The following CPNE8 variants were observed in gnomAD, a reference collection of about 807,000 sequenced individuals.
The protein encoded by CPNE8 is copine 8.
CPNE8 carries 45 observed loss-of-function variants against 81.5 expected under a neutral mutation model. That is an observed-to-expected ratio of 0.55 (90% CI 0.44 to 0.71). CPNE8 has a LOEUF of 0.71. Among genes scored for constraint, CPNE8 ranks in the 30% least tolerant of loss-of-function variants. CPNE8 has a pLI of 0.00. For synonymous variants in CPNE8, 252 were observed against 226.3 expected, an observed-to-expected ratio of 1.11 and a Z score of -1.02; for missense variants, 594 against 672.1, an observed-to-expected ratio of 0.88 and a Z score of 1.28.
intron 1 of CPNE8, among the ~76,000 whole-genome samples, chr12:38,885,294 AC>A (rs1400844557): frequency 6.6e-6 from 1 of 152,174 alleles, no homozygotes; most frequent in East Asian, 1.9e-4. Flanking sequence ...AAGTATAAGC[AC>A]CCCAAAAGAA....
intron 7 of CPNE8, among the ~76,000 whole-genome samples, chr12:38,767,953 C>T (rs997982712): frequency 7.2e-5 from 11 of 152,054 alleles, no homozygotes; most frequent in African/African-American, 2.7e-4. Context: ...AAAACTATTA[C>T]TTTTCAAAAA....
At chr12:38,765,866 T>A (rs1014518671) in intron 8 of CPNE8, among the ~76,000 whole-genome samples, 3 of 152,180 alleles carry the variant, frequency 2.0e-5, no homozygotes, top group East Asian at 3.9e-4. Flanking sequence ...TTTTTTTATT[T>A]TTTTTTTTTA....
At chr12:38,860,119 T>C (rs1943807234) in intron 3 of CPNE8, among the ~76,000 whole-genome samples, 1 of 151,920 alleles carries the variant, frequency 6.6e-6, no homozygotes, top group Admixed American at 6.5e-5. Flanking sequence ...AAAGGCAACC[T>C]ACAGAAGGAG....
chr12:38,869,383 T>C (rs1943958978), intron 3 of CPNE8, among the ~76,000 whole-genome samples: 1 of 152,188 alleles, frequency 6.6e-6, no homozygotes, highest in South Asian at 2.1e-4. Flanking sequence ...TATTTAATCC[T>C]CATAACAGCT....
chr12:38,797,230 G>C (rs528139643), intron 6 of CPNE8, among the ~76,000 whole-genome samples: 2 of 152,160 alleles, frequency 1.3e-5, no homozygotes, highest in South Asian at 2.1e-4. Context: ...ATCTGAGAAC[G>C]GGCAGACTGC....
At chr12:38,902,362 A>AAGAAAGAAAGAAAGAAAGAAAAGAAAG (rs1944489958) in intron 1 of CPNE8, among the ~76,000 whole-genome samples, 39 of 95,262 alleles carry the variant, frequency 4.1e-4, no homozygotes, top group East Asian at 1.2e-3. Flanking sequence ...GAAAGAAAGA[A>AAGAAAGAAAGAAAGAAAGAAAAGAAAG]AGAAAGAAAG....
chr12:38,839,841 TTTAATA>T lies in CPNE8; in HGVS notation c.330+69_330+74del, dbSNP rs1943440398. ...ATGAATAACTTAATAGATGTATAAC[TTTAATA>T]TTAATAAGTCAGCATAAGTACTAAT... On this transcript the variant is annotated intron_variant, in intron 5 of 19. Coordinates refer to ENST00000331366, the MANE Select transcript of CPNE8 (RefSeq NM_153634.3). The T allele has an allele frequency of 4.6e-6, 6 of 1,304,212 alleles. No individual in the cohort carries two copies. The South Asian group carries it at 8.1e-5, about 18-fold the overall frequency. 80.8% of individuals were successfully genotyped at this position (1,304,212 alleles called of 1,614,324 possible). A position where few individuals can be genotyped will look rare whatever the true frequency, so the allele number is the denominator to read the frequency against.
intron 6 of CPNE8, among the ~76,000 whole-genome samples, chr12:38,800,111 G>T (rs1942621883): frequency 7.6e-6 from 1 of 132,418 alleles, no homozygotes; most frequent in Admixed American, 8.1e-5. Context: ...GGCTTGCTTA[G>T]GTAGACAAAG....
chr12:38,754,332 T>C lies in CPNE8; in HGVS notation c.722+6515A>G, dbSNP rs376823099. 1.3e-3 allele frequency among the ~76,000 whole-genome samples: 202 copies of C among 152,172 alleles called. 4 individuals are homozygous for C. The South Asian group carries it at 0.04, about 30-fold the overall frequency. Reference sequence around the variant, plus strand: ...GGTGTTGAACGTTTATATAATTTTCTTAAAAATGTTACTGAAAATGAGAAA... The same window carrying C: ...GGTGTTGAACGTTTATATAATTTTCCTAAAAATGTTACTGAAAATGAGAAA... On this transcript the variant is annotated intron_variant, in intron 10 of 19. Transcript: ENST00000331366.
At chr12:38,793,322 T>G (rs1942373467) in intron 6 of CPNE8, among the ~76,000 whole-genome samples, 1 of 110,036 alleles carries the variant, frequency 9.1e-6, no homozygotes, top group East Asian at 2.2e-4. Context: ...TAGAAAATTC[T>G]AAAAATTACA....
chr12:38,754,738 T>C (rs1941423897), intron 10 of CPNE8, among the ~76,000 whole-genome samples: 3 of 152,006 alleles, frequency 2.0e-5, no homozygotes, highest in East Asian at 3.9e-4. Flanking sequence ...GACCTACATT[T>C]TTAGCAGCTG....
At chr12:38,676,040 T>C (rs1939281392) in intron 17 of CPNE8, 1 of 164,776 alleles carries the variant, frequency 6.1e-6, no homozygotes, top group Admixed American at 7.0e-5. Flanking sequence ...CACCTGGGCC[T>C]AGGAATTTGA....
intron 3 of CPNE8, among the ~76,000 whole-genome samples, chr12:38,864,554 C>T (rs1264034683): frequency 6.6e-6 from 1 of 152,138 alleles, no homozygotes; most frequent in Non-Finnish European, 1.5e-5. Flanking sequence ...ACAAAGTCCT[C>T]ACATTTACAG....
intron 6 of CPNE8, among the ~76,000 whole-genome samples, chr12:38,792,534 A>C (rs1254799961): frequency 6.6e-6 from 1 of 151,744 alleles, no homozygotes; most frequent in East Asian, 1.9e-4. Flanking sequence ...ATCATGAAAA[A>C]ATAGAAAATC....
intron 11 of CPNE8, among the ~76,000 whole-genome samples, chr12:38,727,078 G>T (rs1399650298): frequency 3.9e-5 from 6 of 152,142 alleles, no homozygotes; most frequent in Non-Finnish European, 7.4e-5. Flanking sequence ...CCTCTGCAAA[G>T]TTGCTTGTCC....
At chr12:38,677,843 A>T (rs991638454) in intron 16 of CPNE8, among the ~76,000 whole-genome samples, 2 of 151,998 alleles carry the variant, frequency 1.3e-5, no homozygotes, top group Non-Finnish European at 2.9e-5. Context: ...AAATGGACAT[A>T]GCTTTTGGAA....
chr12:38,833,854 A>G (rs894930277), intron 5 of CPNE8, among the ~76,000 whole-genome samples: 11 of 152,182 alleles, frequency 7.2e-5, no homozygotes, highest in African/African-American at 2.7e-4. Context: ...CCTTGCAGTT[A>G]TCTATTCAAG....
rs562064413 is a variant in CPNE8 at position 38,677,375 on chromosome 12, A to G, written c.1374+77T>C. The G allele has an allele frequency of 5.0e-6, 4 of 796,654 alleles. No homozygotes were observed. In the East Asian group the frequency reaches 1.0e-4, roughly 20 times the overall value. The allele number at this position is 796,654 out of a possible 1,614,324, so 49.3% of individuals were successfully genotyped here. ...TGGTGATTTTATTTTATTGTTAACT[A>G]GAATAGACTCTAGTCTCTCTCTAAG... On this transcript the variant is annotated intron_variant, in intron 17 of 19. Coordinates refer to ENST00000331366, the MANE Select transcript of CPNE8 (RefSeq NM_153634.3).
At chr12:38,832,690 T>G (rs1397596029) in intron 5 of CPNE8, among the ~76,000 whole-genome samples, 1 of 151,578 alleles carries the variant, frequency 6.6e-6, no homozygotes, top group Non-Finnish European at 1.5e-5. Flanking sequence ...TATGGCACTC[T>G]CAGCTAATGT....
Sources: allele counts gnomAD v4.1 joint callset (sites outside exome capture counted in the v4.1 genomes callset), GRCh38; gene constraint gnomAD v4.1.1; transcripts MANE v1.5; gene names NCBI Gene and HGNC (gene_info 2026-07-23, HGNC 2026-07-21).